The following CD8B2 variants were observed in gnomAD, a reference collection of about 807,000 sequenced individuals.
CD8B2 encodes the protein CD8B family member 2.
Under a neutral mutation model 23.7 loss-of-function variants are expected in CD8B2, and 11 were observed. The ratio of observed to expected loss-of-function variants is 0.46; its 90% CI spans 0.29 to 0.77. The LOEUF (loss-of-function observed/expected upper bound fraction) is 0.77. Among genes scored for constraint, CD8B2 ranks in the 30% least tolerant of loss-of-function variants. The pLI is 0.09. For missense variants in CD8B2, 197 were observed against 270.5 expected (o/e 0.73, Z 1.91); for synonymous variants, 90 against 109.3 (o/e 0.82, Z 1.10).
At chr2:106,515,172 G>C (rs1679710206), downstream of CD8B2, among the ~76,000 whole-genome samples, 1 of 152,226 alleles carries the variant, frequency 6.6e-6, no homozygotes, top group South Asian at 2.1e-4. Flanking sequence ...CAGCACCTCT[G>C]CTTTCTCCCA....
intron 5 of CD8B2, among the ~76,000 whole-genome samples, chr2:106,506,205 TC>T (rs2104559658): frequency 6.6e-6 from 1 of 152,072 alleles, no homozygotes; most frequent in East Asian, 1.9e-4. Context: ...TAAGTCCCTC[TC>T]TGGTACTAAC....
At chr2:106,500,556 A>ATAAATAAT (rs1679386953) in intron 3 of CD8B2, among the ~76,000 whole-genome samples, 1 of 104,508 alleles carries the variant, frequency 9.6e-6, no homozygotes, top group African/African-American at 2.9e-5. Flanking sequence ...AAATAAATAA[A>ATAAATAAT]TAAATAATTA....
chr2:106,505,682 G>A (rs543435528), intron 5 of CD8B2, among the ~76,000 whole-genome samples: 1 of 152,062 alleles, frequency 6.6e-6, no homozygotes, highest in Non-Finnish European at 1.5e-5. Flanking sequence ...TATTTATATC[G>A]AGAGTGGCTT....
downstream of CD8B2, among the ~76,000 whole-genome samples, chr2:106,511,414 T>G (rs377234707): frequency 5.9e-5 from 9 of 152,272 alleles, no homozygotes; most frequent in East Asian, 1.7e-3. Flanking sequence ...TGGACCTTAA[T>G]GGGTCTGGGA....
intron 5 of CD8B2, among the ~76,000 whole-genome samples, chr2:106,527,425 G>C (rs562352085): frequency 6.6e-6 from 1 of 152,288 alleles, no homozygotes; most frequent in African/African-American, 2.4e-5. Context: ...TGCCTTTTAA[G>C]CAATCGAATG....
intron 1 of CD8B2, among the ~76,000 whole-genome samples, chr2:106,488,646 G>T (rs1558873550): frequency 6.6e-6 from 1 of 152,214 alleles, no homozygotes; most frequent in African/African-American, 2.4e-5. Context: ...TCAAAGTCAG[G>T]TTCTGGGGTC....
intron 2 of CD8B2, among the ~76,000 whole-genome samples, chr2:106,491,835 C>T (rs1367781556): frequency 3.9e-5 from 6 of 152,194 alleles, no homozygotes; most frequent in Non-Finnish European, 7.3e-5. Context: ...AGGCGTGAGC[C>T]ACCGTGCCTG....
chr2:106,507,671 C>T lies in CD8B2; in HGVS notation c.*731C>T. On this transcript the variant is annotated 3_prime_UTR_variant, in exon 6 of 6. Coordinates refer to ENST00000643224, the MANE Select transcript of CD8B2 (RefSeq NM_001349727.2). ...CCCAGGTTAAAGATAACAAACGGGT[C>T]CTGTGACATAAACGTACGAAAGCCC... 1.1e-6 allele frequency: 1 copy of T among 951,834 alleles called. No homozygotes were observed. The highest frequency in any genetic ancestry group is 1.3e-6 in the Non-Finnish European group (1 of 799,518). The allele number at this position is 951,834 out of a possible 1,614,324, so 59.0% of individuals were successfully genotyped here.
In CD8B2 at chr2:106,490,893, C is replaced by A; in HGVS notation, c.63C>A (p.Val21=). 2 of 1,582,486 alleles carry A rather than the reference C, an allele frequency of 1.3e-6. No individual in the cohort carries two copies. Among genetic ancestry groups the A allele is most frequent in the Non-Finnish European group, 1.7e-6 (2 of 1,163,852 alleles). ...AQLTVLHGNS[V]LQQTPAYIKV... is the part of the protein sequence containing the mutation. Reference sequence around the variant, plus strand: ...TCCTAGTTCTCCATGGCAACTCAGTCCTCCAGCAGACCCCTGCATACATAA... The same window carrying A: ...TCCTAGTTCTCCATGGCAACTCAGTACTCCAGCAGACCCCTGCATACATAA... The change falls in exon 2 of 6, where the codon GTC becomes GTA. Residue 21 remains valine, a synonymous_variant. Coordinates refer to ENST00000643224, the MANE Select transcript of CD8B2 (RefSeq NM_001349727.2).
chr2:106,538,563 A>G (rs1004302326), intron 5 of CD8B2, among the ~76,000 whole-genome samples: 3 of 152,072 alleles, frequency 2.0e-5, no homozygotes, highest in Non-Finnish European at 2.9e-5. Flanking sequence ...TACCTTGGAA[A>G]ATTCACCTTT....
At chr2:106,542,287 C>A (rs1331681844) in intron 5 of CD8B2, among the ~76,000 whole-genome samples, 1 of 152,164 alleles carries the variant, frequency 6.6e-6, no homozygotes, top group Non-Finnish European at 1.5e-5. Context: ...TCACTGCGGG[C>A]AGTAACTAGA....
chr2:106,493,439 T>C (rs562340325), intron 2 of CD8B2, among the ~76,000 whole-genome samples: 8 of 152,260 alleles, frequency 5.3e-5, no homozygotes, highest in Admixed American at 3.9e-4. Context: ...CAGGCGGCGG[T>C]GCCCAGCCAA....
intron 5 of CD8B2, among the ~76,000 whole-genome samples, chr2:106,533,156 C>G (rs149717591): frequency 1.8e-4 from 28 of 152,320 alleles, no homozygotes; most frequent in Non-Finnish European, 3.4e-4. Flanking sequence ...GTTAAATGTG[C>G]ACCTGTGGTC....
At chr2:106,494,053 AG>A (rs1679248600) in intron 2 of CD8B2, among the ~76,000 whole-genome samples, 1 of 152,096 alleles carries the variant, frequency 6.6e-6, no homozygotes, top group African/African-American at 2.4e-5. Flanking sequence ...AGGCTCAGAG[AG>A]GTGAGGGGTT....
chr2:106,532,573 A>G (rs1179547720), intron 5 of CD8B2, among the ~76,000 whole-genome samples: 1 of 152,180 alleles, frequency 6.6e-6, no homozygotes, highest in Admixed American at 6.5e-5. Flanking sequence ...TTTTATGGTT[A>G]TTTCTTGATT....
downstream of CD8B2, among the ~76,000 whole-genome samples, chr2:106,515,130 C>G (rs1279576327): frequency 6.6e-6 from 1 of 152,238 alleles, no homozygotes; most frequent in Non-Finnish European, 1.5e-5. Flanking sequence ...ATCCTTCAAT[C>G]CAATGAAGTT....
intron 5 of CD8B2, among the ~76,000 whole-genome samples, chr2:106,527,702 G>C (rs1243206479): frequency 6.6e-6 from 1 of 152,196 alleles, no homozygotes; most frequent in Non-Finnish European, 1.5e-5. Context: ...AGAATTGCTT[G>C]AACCAGGGAG....
chr2:106,515,271 C>G (rs1679711699), downstream of CD8B2, among the ~76,000 whole-genome samples: 2 of 152,224 alleles, frequency 1.3e-5, no homozygotes, highest in Admixed American at 1.3e-4. Context: ...CCAGCTAACA[C>G]TGGACAGATA....
chr2:106,494,096 C>T (rs1367997666), intron 2 of CD8B2, among the ~76,000 whole-genome samples: 1 of 151,998 alleles, frequency 6.6e-6, no homozygotes, highest in Non-Finnish European at 1.5e-5. Flanking sequence ...AAGATGCCAG[C>T]CCAAAAATGA....
Sources: allele counts gnomAD v4.1 joint callset (sites outside exome capture counted in the v4.1 genomes callset), GRCh38; gene constraint gnomAD v4.1.1; transcripts MANE v1.5; gene names NCBI Gene and HGNC (gene_info 2026-07-23, HGNC 2026-07-21).